Variants in TNN observed in about 807,000 individuals in gnomAD.
TNN encodes the protein tenascin-N.
TNN carries 122 observed loss-of-function variants against 134.4 expected under a neutral mutation model. The observed-to-expected ratio is 0.91, with a 90% CI of 0.78 to 1.06. The LOEUF (loss-of-function observed/expected upper bound fraction) is 1.06, where lower values mean the gene tolerates loss of function less well. Among genes scored for constraint, TNN ranks in the 50% least tolerant of loss-of-function variants. The pLI is 0.00. For missense variants in TNN, 1,739 were observed against 1,699.4 expected (o/e 1.02, Z -0.41); for synonymous variants, 710 against 670.3 (o/e 1.06, Z -0.91).
At position 175,128,128 on chromosome 1, in the gene TNN, C is replaced by G. The variant is rs201311212; in HGVS notation, c.3142C>G (p.Arg1048Gly). ...PVSLVAFKGG[R>G]RSRNVSTTLS... is the part of the protein sequence containing the mutation. ...CTCCCTTGTTGCCTTTAAGGGTGGT[C>G]GCCGGAGCAGAAATGTATCCACCAC... Residue 1048 changes from arginine (R) to glycine (G), a missense_variant, in exon 14 of 19, where the codon CGC (arginine) becomes GGC (glycine). By Grantham distance (125) the Arg-to-Gly change is moderately radical. Coordinates refer to ENST00000239462, the MANE Select transcript of TNN (RefSeq NM_022093.2). 1 of 1,611,862 alleles carries G rather than the reference C, an allele frequency of 6.2e-7. No individual in the cohort carries two copies. Among genetic ancestry groups the G allele is most frequent in the South Asian group, 1.1e-5 (1 of 90,912 alleles).
chr1:175,119,638 C>CT (rs869293406), intron 11 of TNN, among the ~76,000 whole-genome samples: 3,192 of 131,514 alleles, frequency 0.024, 145 homozygotes, highest in African/African-American at 0.087. Context: ...CCTTTTTTTT[C>CT]TTTTTTTTTT....
chr1:175,123,522 G>A lies in TNN; in HGVS notation c.2773G>A (p.Glu925Lys). ...GGTGCGCTACACCTCTGCTGACGGAGAGACCAGGGAGGTTCCGGTGGGGAA... is the reference window on the plus strand; with the variant it reads ...GGTGCGCTACACCTCTGCTGACGGAAAGACCAGGGAGGTTCCGGTGGGGAA... ...YMVRYTSADG[E>K]TREVPVGKEH... Residue 925 changes from glutamate to lysine, a missense_variant, in exon 12 of 19, where the codon GAG (glutamate) becomes AAG (lysine). Glu to Lys is a moderately conservative substitution (Grantham distance 56). Transcript: ENST00000239462. The A allele has an allele frequency of 6.2e-7, 1 of 1,614,124 alleles. No individual in the cohort carries two copies. The highest frequency in any genetic ancestry group is 8.5e-7 in the Non-Finnish European group (1 of 1,179,950).
chr1:175,076,314 CA>C (rs1259687328), intron 1 of TNN, among the ~76,000 whole-genome samples: 4 of 152,182 alleles, frequency 2.6e-5, no homozygotes, highest in African/African-American at 9.6e-5. Flanking sequence ...GCCACCCATG[CA>C]CGGATGGATT....
chr1:175,112,486 C>T (rs575192270), intron 9 of TNN, among the ~76,000 whole-genome samples: 2 of 147,998 alleles, frequency 1.4e-5, no homozygotes, highest in East Asian at 4.2e-4. Flanking sequence ...CATGGAATAT[C>T]TTTTTCCATC....
At chr1:175,092,030 G>T (rs998366583) in intron 6 of TNN, among the ~76,000 whole-genome samples, 1 of 152,198 alleles carries the variant, frequency 6.6e-6, no homozygotes, top group East Asian at 1.9e-4. Context: ...ACCTGGGGTT[G>T]TACAGATGTG....
intron 9 of TNN, among the ~76,000 whole-genome samples, chr1:175,115,115 G>A (rs1365229536): frequency 1.3e-5 from 2 of 152,188 alleles, no homozygotes; most frequent in East Asian, 3.9e-4. Flanking sequence ...GGGTGTCTTA[G>A]CCAACCACTG....
intron 9 of TNN, among the ~76,000 whole-genome samples, chr1:175,108,385 G>T (rs768596714): frequency 5.0e-4 from 76 of 152,348 alleles, no homozygotes; most frequent in African/African-American, 1.7e-3. Context: ...CAGGAGCCCA[G>T]CTGGCTTCAC....
At chr1:175,142,649 ACT>A (rs1293946625) in intron 17 of TNN, among the ~76,000 whole-genome samples, 1 of 149,800 alleles carries the variant, frequency 6.7e-6, no homozygotes, top group Non-Finnish European at 1.5e-5. Context: ...ATGGAGACTC[ACT>A]CTGTCACCCA....
At position 175,118,704 on chromosome 1, in the gene TNN, G is replaced by A; in HGVS notation, c.2530G>A (p.Gly844Arg). Residue 844 changes from glycine (G) to arginine (R), a missense_variant, in exon 11 of 19, where the codon GGG becomes AGG. Physicochemically the swap from Gly to Arg is moderately radical, Grantham distance 125 (BLOSUM62 -2). Coordinates refer to ENST00000239462, the MANE Select transcript of TNN (RefSeq NM_022093.2). ...CGGAGAGACCAGGGAGGTTCCAGTG[G>A]GGAAGGAGCAGAGCAGCACTGTCCT... is the stretch of plus-strand genomic sequence containing the variant. ...ANGETREVPV[G>R]KEQSSTVLTG... 1.9e-6 allele frequency: 3 copies of A among 1,614,260 alleles called. No homozygotes were observed. Among genetic ancestry groups the A allele is most frequent in the Non-Finnish European group, 2.5e-6 (3 of 1,180,046 alleles).
At chr1:175,112,557 T>C (rs939256947) in intron 9 of TNN, among the ~76,000 whole-genome samples, 3 of 143,100 alleles carry the variant, frequency 2.1e-5, no homozygotes, top group Non-Finnish European at 4.5e-5. Context: ...AGGTAGCACA[T>C]AAGTGGGTCA....
intron 9 of TNN, among the ~76,000 whole-genome samples, chr1:175,110,868 A>G (rs373969824): frequency 1.3e-5 from 2 of 152,136 alleles, no homozygotes; most frequent in East Asian, 1.9e-4. Context: ...GTGGTTCCAT[A>G]TGAATTTTAG....
chr1:175,132,296 C>T (rs771645865), intron 15 of TNN, among the ~76,000 whole-genome samples: 17 of 152,146 alleles, frequency 1.1e-4, no homozygotes, highest in Non-Finnish European at 1.5e-4. Flanking sequence ...AAGATTTATG[C>T]GTGGTCTTTG....
chr1:175,094,328 T>C, intron 7 of TNN, 75 bp downstream of exon 7: 1 of 1,408,872 alleles, frequency 7.1e-7, no homozygotes, highest in Non-Finnish European at 9.4e-7. Context: ...AGGAGGTCAT[T>C]GCTCACCTGG....
rs527601709 is a variant in TNN at position 175,126,956 on chromosome 1, A to T, written c.2916A>T (p.Glu972Asp). Residue 972 changes from glutamate (E) to aspartate (D), a missense_variant and splice_region_variant, in exon 13 of 19, where the codon GAA becomes GAT. Glu to Asp is a conservative substitution (Grantham distance 45, BLOSUM62 2). Coordinates refer to ENST00000239462, the MANE Select transcript of TNN (RefSeq NM_022093.2). ...SKKADTKAQT[E>D]LDPPRNLRPS... The stretch of plus-strand genomic sequence containing the variant: ...AATTACCTGACTTTCTACGTACAGA[A>T]CTCGACCCTCCCAGAAACCTTCGTC... 1 of 1,610,878 alleles carries T rather than the reference A, an allele frequency of 6.2e-7. No individual in the cohort carries two copies. Among genetic ancestry groups the T allele is most frequent in the Admixed American group, 1.7e-5 (1 of 59,184 alleles).
chr1:175,094,002 C>G lies in TNN; in HGVS notation c.1337C>G (p.Pro446Arg), dbSNP rs1212615250. 6.3e-7 allele frequency: 1 copy of G among 1,596,128 alleles called. No individual in the cohort carries two copies. The highest frequency in any genetic ancestry group is 1.7e-5 in the Admixed American group (1 of 59,212). ...TGTTTTTATGAAGAAATTGACAGTC[C>G]AACCAATGTTGTCACTGATCGAGTG... ...LLNGRTEIDS[P>R]TNVVTDRVTE... Residue 446 changes from proline to arginine, a missense_variant, in exon 7 of 19, where the codon CCA becomes CGA. Coordinates refer to ENST00000239462, the MANE Select transcript of TNN (RefSeq NM_022093.2).
At chr1:175,128,245 G>C (rs1675582348) in intron 14 of TNN, 81 bp downstream of exon 14, 2 of 1,276,162 alleles carry the variant, frequency 1.6e-6, no homozygotes, top group Admixed American at 2.4e-5. Flanking sequence ...CCAGGGAGGA[G>C]CAAGTGGATG....
At chr1:175,145,007 T>C (rs1442633525) in intron 18 of TNN, among the ~76,000 whole-genome samples, 1 of 152,138 alleles carries the variant, frequency 6.6e-6, no homozygotes, top group African/African-American at 2.4e-5. Flanking sequence ...TGCTGGCTTG[T>C]GGCTGTGCGT....
At chr1:175,090,147 C>T (rs6425321) in intron 6 of TNN, among the ~76,000 whole-genome samples, 83,427 of 152,084 alleles carry the variant, frequency 0.55, 23,484 homozygotes, top group African/African-American at 0.69. Context: ...TATGAGAACA[C>T]TGAGGCCTAC....
chr1:175,115,081 T>C (rs1360187653), intron 9 of TNN, among the ~76,000 whole-genome samples: 2 of 152,034 alleles, frequency 1.3e-5, no homozygotes, highest in Admixed American at 6.5e-5. Context: ...AGAATAATAC[T>C]AGAGTTGTCT....
Sources: allele counts gnomAD v4.1 joint callset (sites outside exome capture counted in the v4.1 genomes callset), GRCh38; gene constraint gnomAD v4.1.1; transcripts MANE v1.5; gene names NCBI Gene and HGNC (gene_info 2026-07-23, HGNC 2026-07-21).